The following SEMA6D variants were observed in gnomAD, a reference collection of about 807,000 sequenced individuals.
The protein encoded by SEMA6D is semaphorin 6D.
SEMA6D carries 35 observed loss-of-function variants against 106.6 expected under a neutral mutation model. The observed-to-expected ratio is 0.33, with a 90% CI of 0.25 to 0.44. The LOEUF is 0.44. Ranked by LOEUF, SEMA6D falls within the 20% of genes least tolerant of loss-of-function variation. The pLI, the probability that SEMA6D is intolerant of heterozygous loss-of-function variation, is 1.00. For missense variants in SEMA6D, 1,185 were observed against 1,345.9 expected, an observed-to-expected ratio of 0.88 and a Z score of 1.87; for synonymous variants, 499 against 487.7, an observed-to-expected ratio of 1.02 and a Z score of -0.31.
chr15:47,238,985 A>C (rs1377269943), intron 1 of SEMA6D, among the ~76,000 whole-genome samples: 2 of 152,162 alleles, frequency 1.3e-5, no homozygotes, highest in African/African-American at 2.4e-5. Flanking sequence ...ATGGGCTGTT[A>C]CTGGGCCACA....
Position 47,378,208 on chromosome 15 carries a change from A to G in SEMA6D, c.-238-34185A>G, listed in dbSNP as rs144375159. On this transcript the variant is annotated intron_variant, in intron 1 of 19. Transcript: ENST00000558014. ...CAAACCCACATTCTCAATGTTGAAG[A>G]TTGAAAGGCCAGGCACGGTGGCTCA... Among the ~76,000 whole-genome samples, 211 of 152,288 alleles carry G rather than the reference A, an allele frequency of 1.4e-3. 2 individuals are homozygous for G. The highest frequency in any genetic ancestry group is 5.0e-3 in the African/African-American group (207 of 41,560).
intron 1 of SEMA6D, among the ~76,000 whole-genome samples, chr15:47,298,657 A>G (rs1211233352): frequency 6.6e-6 from 1 of 152,110 alleles, no homozygotes; most frequent in Admixed American, 6.5e-5. Context: ...AGCAGGCTGC[A>G]GGGGTGGTGA....
chr15:47,203,416 A>G (rs1478408998), intron 1 of SEMA6D, among the ~76,000 whole-genome samples: 1 of 152,118 alleles, frequency 6.6e-6, no homozygotes, highest in Non-Finnish European at 1.5e-5. Context: ...CCATCACCAC[A>G]CCCACGCAGA....
chr15:47,608,953 C>G lies in SEMA6D; in HGVS notation c.-55+8057C>G, dbSNP rs541479110. Among the ~76,000 whole-genome samples the G allele has an allele frequency of 5.9e-5, 9 of 152,226 alleles. No individual in the cohort carries two copies. In the East Asian group the frequency reaches 1.5e-3, roughly 26 times the overall value. On this transcript the variant is annotated intron_variant, in intron 4 of 19. Transcript: ENST00000558014. ...TTATTACGGAACACTCTGCTTTTTT[C>G]TAGCCTATGTTCATATATTTGATTC...
chr15:47,604,853 C>A (rs1216921167), intron 4 of SEMA6D, among the ~76,000 whole-genome samples: 1 of 136,804 alleles, frequency 7.3e-6, no homozygotes, highest in Non-Finnish European at 1.6e-5. Context: ...CCCACCACCA[C>A]CATGCCTGGC....
At chr15:47,554,198 G>C (rs1459831045) in intron 3 of SEMA6D, among the ~76,000 whole-genome samples, 1 of 152,180 alleles carries the variant, frequency 6.6e-6, no homozygotes, top group Non-Finnish European at 1.5e-5. Flanking sequence ...GTATGGGCAG[G>C]ATCTGAACTC....
intron 4 of SEMA6D, among the ~76,000 whole-genome samples, chr15:47,681,928 A>G (rs1014958712): frequency 6.6e-6 from 1 of 152,208 alleles, no homozygotes; most frequent in African/African-American, 2.4e-5. Flanking sequence ...ATATTTGATC[A>G]TAAAAATTAC....
At chr15:47,739,085 C>G (rs1022974440) in intron 1 of SEMA6D, among the ~76,000 whole-genome samples, 1 of 152,146 alleles carries the variant, frequency 6.6e-6, no homozygotes, top group African/African-American at 2.4e-5. Flanking sequence ...GTCCTGGGCT[C>G]CAAACTGGCA....
intron 1 of SEMA6D, among the ~76,000 whole-genome samples, chr15:47,232,507 T>C (rs959089458): frequency 7.3e-6 from 1 of 136,332 alleles, no homozygotes; most frequent in East Asian, 2.2e-4. Context: ...TTCTAGCTCT[T>C]GTTATTCTAT....
At chr15:47,581,725 C>T (rs1221108251) in intron 3 of SEMA6D, among the ~76,000 whole-genome samples, 1 of 152,176 alleles carries the variant, frequency 6.6e-6, no homozygotes, top group Non-Finnish European at 1.5e-5. Flanking sequence ...CATAGAAGAA[C>T]ATTGTAGGTC....
chr15:47,675,563 G>C (rs1048275547), intron 4 of SEMA6D, among the ~76,000 whole-genome samples: 5 of 152,074 alleles, frequency 3.3e-5, no homozygotes, highest in African/African-American at 1.2e-4. Flanking sequence ...CCAATCTGTG[G>C]TATTTTGCTA....
intron 2 of SEMA6D, among the ~76,000 whole-genome samples, chr15:47,445,539 T>TATG (rs1335499788): frequency 6.6e-6 from 1 of 152,032 alleles, no homozygotes; most frequent in Non-Finnish European, 1.5e-5. Flanking sequence ...CACTGATAAT[T>TATG]ATGGTGTATA....
At chr15:47,424,324 T>G (rs1340502957) in intron 2 of SEMA6D, among the ~76,000 whole-genome samples, 1 of 151,952 alleles carries the variant, frequency 6.6e-6, no homozygotes, top group African/African-American at 2.4e-5. Context: ...AGCCGTAAGA[T>G]ATTGCATACA....
intron 3 of SEMA6D, among the ~76,000 whole-genome samples, chr15:47,551,669 G>A (rs1178908525): frequency 7.2e-6 from 1 of 139,016 alleles, no homozygotes; most frequent in African/African-American, 2.7e-5. Context: ...TAACATCTGG[G>A]ACTCTGTGTG....
At chr15:47,523,464 A>G (rs1374039021) in intron 3 of SEMA6D, among the ~76,000 whole-genome samples, 1 of 151,948 alleles carries the variant, frequency 6.6e-6, no homozygotes, top group Non-Finnish European at 1.5e-5. Context: ...AGAAACACCA[A>G]TGTTCCAAGC....
At chr15:47,751,367 A>G (rs577036878) in intron 1 of SEMA6D, among the ~76,000 whole-genome samples, 4 of 152,194 alleles carry the variant, frequency 2.6e-5, no homozygotes, top group Admixed American at 6.5e-5. Context: ...CCCTCTCTCA[A>G]CTTACCTAAA....
intron 4 of SEMA6D, among the ~76,000 whole-genome samples, chr15:47,701,101 C>A (rs2078801338): frequency 6.6e-6 from 1 of 152,230 alleles, no homozygotes; most frequent in Non-Finnish European, 1.5e-5. Flanking sequence ...AGCTGGAATT[C>A]ATTAAAATCA....
intron 2 of SEMA6D, among the ~76,000 whole-genome samples, chr15:47,440,064 G>A (rs1009982152): frequency 6.6e-6 from 1 of 152,056 alleles, no homozygotes; most frequent in East Asian, 1.9e-4. Context: ...AGTTGAACTT[G>A]GGAGAGCAAA....
At chr15:47,292,839 C>T (rs193232165) in intron 1 of SEMA6D, among the ~76,000 whole-genome samples, 15 of 152,240 alleles carry the variant, frequency 9.9e-5, no homozygotes, top group Admixed American at 4.6e-4. Context: ...TTTTTCATTG[C>T]AACCACATTT....
Sources: gnomAD v4.1 joint callset for allele counts (sites outside exome capture counted in the v4.1 genomes callset) on GRCh38, gnomAD v4.1.1 for gene constraint, MANE v1.5 for transcripts, NCBI Gene and HGNC (gene_info 2026-07-23, HGNC 2026-07-21) for gene names.